Variants in CDH12 observed in about 807,000 individuals in gnomAD.
CDH12 encodes cadherin-12.
A neutral mutation model predicts 74.1 loss-of-function variants in CDH12; 41 were observed. That is an observed-to-expected ratio of 0.55 (90% CI 0.43 to 0.72). CDH12 has a LOEUF of 0.72. Among genes scored for constraint, CDH12 ranks in the 30% least tolerant of loss-of-function variants. The probability of loss-of-function intolerance (pLI) is 0.00; values close to 1 mark genes in which losing one functional copy is unlikely to be tolerated. For missense variants in CDH12, 945 were observed against 977.2 expected, an observed-to-expected ratio of 0.97 and a Z score of 0.44; for synonymous variants, 399 against 355.0, an observed-to-expected ratio of 1.12 and a Z score of -1.39.
rs1369769976 is a variant in CDH12 at position 21,867,102 on chromosome 5, C to A, written c.527-12312G>T. On this transcript the variant is annotated intron_variant, in intron 6 of 14. Transcript: ENST00000382254. ...CAGCGCGGTGGCTCTCACCTGTAAT[C>A]CCAGCACTTTGGGATGCCAAGAAGG... 6.8e-4 allele frequency among the ~76,000 whole-genome samples: 103 copies of A among 152,158 alleles called. 1 individual carries two copies. The highest frequency in any genetic ancestry group is 5.9e-5 in the Non-Finnish European group (4 of 68,034).
intron 1 of CDH12, among the ~76,000 whole-genome samples, chr5:22,601,955 C>G (rs759586142): frequency 2.0e-5 from 3 of 151,874 alleles, no homozygotes; most frequent in Non-Finnish European, 4.4e-5. Flanking sequence ...AATCAGTATA[C>G]AAGACATGTA....
chr5:21,844,239 GA>G (rs1370703448), intron 7 of CDH12, among the ~76,000 whole-genome samples: 2 of 151,892 alleles, frequency 1.3e-5, no homozygotes, highest in African/African-American at 4.8e-5. Context: ...GGGGTACTAT[GA>G]AAAGAATAAC....
intron 4 of CDH12, among the ~76,000 whole-genome samples, chr5:22,109,725 T>A (rs2150259005): frequency 6.6e-6 from 1 of 152,294 alleles, no homozygotes; most frequent in African/African-American, 2.4e-5. Context: ...TATTGAAGAC[T>A]GTTGAAGAAA....
At chr5:22,272,788 T>C (rs1736458261) in intron 3 of CDH12, among the ~76,000 whole-genome samples, 1 of 152,116 alleles carries the variant, frequency 6.6e-6, no homozygotes, top group Non-Finnish European at 1.5e-5. Context: ...CTTATATGGG[T>C]GCTGTGTTCG....
At chr5:22,116,918 G>C (rs1489387164) in intron 4 of CDH12, among the ~76,000 whole-genome samples, 2 of 134,594 alleles carry the variant, frequency 1.5e-5, no homozygotes, top group Admixed American at 1.6e-4. Flanking sequence ...ATCATTACTG[G>C]TTTCCAAGTA....
intron 4 of CDH12, among the ~76,000 whole-genome samples, chr5:22,177,346 G>A (rs936879155): frequency 5.3e-5 from 8 of 152,058 alleles, no homozygotes; most frequent in African/African-American, 1.9e-4. Flanking sequence ...GCAGAAACAG[G>A]AGTAAGTTTC....
chr5:22,330,982 T>C (rs2150445421), intron 3 of CDH12, among the ~76,000 whole-genome samples: 1 of 152,066 alleles, frequency 6.6e-6, no homozygotes. Flanking sequence ...GAACGGCCTT[T>C]GGGCTTCAGG....
chr5:22,022,245 T>C (rs1738035742), intron 5 of CDH12, among the ~76,000 whole-genome samples: 1 of 152,150 alleles, frequency 6.6e-6, no homozygotes, highest in Admixed American at 6.6e-5. Flanking sequence ...GGAAGGGACC[T>C]GGTGGGAGGT....
chr5:21,897,505 CCT>C (rs982227471), intron 6 of CDH12, among the ~76,000 whole-genome samples: 98 of 152,256 alleles, frequency 6.4e-4, no homozygotes, highest in African/African-American at 2.3e-3. Context: ...GTATCATTAG[CCT>C]GTCCCATATT....
intron 3 of CDH12, among the ~76,000 whole-genome samples, chr5:22,287,762 A>G (rs1248093249): frequency 6.6e-6 from 1 of 151,780 alleles, no homozygotes; most frequent in Non-Finnish European, 1.5e-5. Flanking sequence ...TATTTCATAT[A>G]AAGCACAAAA....
chr5:22,296,944 A>G (rs1737651191), intron 3 of CDH12, among the ~76,000 whole-genome samples: 1 of 151,946 alleles, frequency 6.6e-6, no homozygotes, highest in Non-Finnish European at 1.5e-5. Flanking sequence ...CTCCTTTTTG[A>G]AAAGAAAACA....
intron 1 of CDH12, among the ~76,000 whole-genome samples, chr5:22,755,847 T>C (rs1745870072): frequency 6.6e-6 from 1 of 152,092 alleles, no homozygotes; most frequent in Admixed American, 6.5e-5. Flanking sequence ...GTCTAACTAT[T>C]TTAAAAGTAT....
At chr5:21,883,926 C>G (rs1197395402) in intron 6 of CDH12, 34 of 1,607,550 alleles carry the variant, frequency 2.1e-5, no homozygotes, top group Non-Finnish European at 2.7e-5. Flanking sequence ...TGCCCTCCTT[C>G]GATGCATTCC....
intron 1 of CDH12, among the ~76,000 whole-genome samples, chr5:22,741,724 C>G (rs1745033483): frequency 6.6e-6 from 1 of 152,170 alleles, no homozygotes; most frequent in Admixed American, 6.5e-5. Flanking sequence ...ATTCTTCCTT[C>G]TATACTACAT....
chr5:21,946,485 T>C (rs1755584125), intron 6 of CDH12, among the ~76,000 whole-genome samples: 1 of 152,196 alleles, frequency 6.6e-6, no homozygotes, highest in Non-Finnish European at 1.5e-5. Context: ...AAAGTAGTGA[T>C]AGTAAAGAGA....
chr5:22,389,126 G>A (rs150874244), intron 3 of CDH12, among the ~76,000 whole-genome samples: 1 of 152,194 alleles, frequency 6.6e-6, no homozygotes, highest in African/African-American at 2.4e-5. Flanking sequence ...GCTACATTTG[G>A]GCATTCAAGA....
At chr5:22,320,851 A>G (rs1738844915) in intron 3 of CDH12, among the ~76,000 whole-genome samples, 1 of 152,190 alleles carries the variant, frequency 6.6e-6, no homozygotes, top group Admixed American at 6.5e-5. Context: ...GTGGAAAGGG[A>G]GCTCTATCTA....
intron 5 of CDH12, among the ~76,000 whole-genome samples, chr5:22,021,889 G>A (rs1738007173): frequency 6.6e-6 from 1 of 152,204 alleles, no homozygotes; most frequent in South Asian, 2.1e-4. Flanking sequence ...CCACGCTGAA[G>A]CGCAGTGGCA....
At chr5:22,691,577 G>C (rs565334785) in intron 1 of CDH12, among the ~76,000 whole-genome samples, 54 of 152,184 alleles carry the variant, frequency 3.5e-4, no homozygotes, top group Non-Finnish European at 6.9e-4. Context: ...AAGTCCAAGA[G>C]GTTCTCACAA....
Sources: allele counts gnomAD v4.1 joint callset (sites outside exome capture counted in the v4.1 genomes callset), GRCh38; gene constraint gnomAD v4.1.1; transcripts MANE v1.5; gene names NCBI Gene and HGNC (gene_info 2026-07-23, HGNC 2026-07-21).